SHANK2: variants seen among roughly 807,000 people sequenced by gnomAD.
SHANK2 encodes the protein SH3 and multiple ankyrin repeat domains protein 2.
A neutral mutation model predicts 133.7 loss-of-function variants in SHANK2; 43 were observed. The observed-to-expected ratio is 0.32, with a 90% confidence interval of 0.25 to 0.41. The LOEUF is 0.41. Among genes scored for constraint, SHANK2 ranks in the 10% least tolerant of loss-of-function variants. The pLI is 1.00. For synonymous variants in SHANK2, 1,017 were observed against 952.8 expected, an observed-to-expected ratio of 1.07 and a Z score of -1.24; for missense variants, 1,994 against 2,235.8, an observed-to-expected ratio of 0.89 and a Z score of 2.18.
At chr11:71,204,875 G>A (rs570361355) in intron 2 of SHANK2, among the ~76,000 whole-genome samples, 3 of 152,228 alleles carry the variant, frequency 2.0e-5, no homozygotes, top group South Asian at 2.1e-4. Context: ...GACCACGGCC[G>A]GGCAGGGAAG....
chr11:70,621,114 C>T (rs560842639), intron 17 of SHANK2, among the ~76,000 whole-genome samples: 7 of 152,326 alleles, frequency 4.6e-5, no homozygotes, highest in African/African-American at 1.4e-4. Context: ...GCACCGGGAT[C>T]GGGCAGGGTG....
intron 10 of SHANK2, among the ~76,000 whole-genome samples, chr11:70,928,684 A>G (rs2135790296): frequency 6.6e-6 from 1 of 152,192 alleles, no homozygotes; most frequent in African/African-American, 2.4e-5. Flanking sequence ...AATGGGATCC[A>G]TGGGGCAGAA....
intron 17 of SHANK2, among the ~76,000 whole-genome samples, chr11:70,575,142 T>C (rs1363196428): frequency 4.6e-5 from 7 of 151,802 alleles, no homozygotes; most frequent in Non-Finnish European, 8.8e-5. Flanking sequence ...TCACACTGAG[T>C]GGGAAGGACA....
intron 17 of SHANK2, among the ~76,000 whole-genome samples, chr11:70,548,886 G>A (rs1164897070): frequency 9.9e-5 from 15 of 152,178 alleles, no homozygotes; most frequent in Admixed American, 2.0e-4. Context: ...CACTGATGCA[G>A]AGATGGGGGC....
chr11:70,486,214 T>G lies in SHANK2; in HGVS notation c.4079A>C (p.Gln1360Pro), dbSNP rs1555153403. ...GGTGGGCTCGGGGGCAGCGGAGATC[T>G]GTAAAGCACCTTCGGTTTCGGAAAC... Reference protein sequence around the residue: ...EGVSETEGALQISAAPEPTTV... With the variant: ...EGVSETEGALPISAAPEPTTV... Residue 1360 changes from glutamine (Q) to proline (P), a missense_variant, in exon 25 of 26, where the codon CAG becomes CCG. Coordinates refer to ENST00000601538, the MANE Select transcript of SHANK2 (RefSeq NM_012309.5). The surrounding 1 kb of genome is among the most constrained non-coding windows in gnomAD (Gnocchi z 8.0). 11 of 1,613,886 alleles carry G rather than the reference T, an allele frequency of 6.8e-6. No homozygotes were observed. Among genetic ancestry groups the G allele is most frequent in the Non-Finnish European group, 7.6e-6 (9 of 1,179,916 alleles).
intron 11 of SHANK2, among the ~76,000 whole-genome samples, chr11:70,852,907 G>T (rs1949110090): frequency 6.6e-6 from 1 of 152,226 alleles, no homozygotes; most frequent in African/African-American, 2.4e-5. Context: ...GAGGCCAGGG[G>T]AGGGGTTGCC....
intron 14 of SHANK2, among the ~76,000 whole-genome samples, chr11:70,743,227 G>A (rs538688795): frequency 7.9e-5 from 12 of 152,344 alleles, no homozygotes; most frequent in Admixed American, 4.6e-4. Context: ...CAGGGGCAGC[G>A]CTCGAGCTGC....
chr11:70,738,500 G>C (rs782292784), intron 14 of SHANK2, among the ~76,000 whole-genome samples: 1 of 152,204 alleles, frequency 6.6e-6, no homozygotes, highest in Non-Finnish European at 1.5e-5. Flanking sequence ...CGTGTGCGGG[G>C]AGCAAGTGCA....
chr11:71,181,711 T>C (rs113021014), intron 2 of SHANK2, among the ~76,000 whole-genome samples: 2 of 152,082 alleles, frequency 1.3e-5, no homozygotes, highest in African/African-American at 2.4e-5. Context: ...ACCGCATGCA[T>C]AACGGAACCA....
intron 17 of SHANK2, among the ~76,000 whole-genome samples, chr11:70,639,685 T>A (rs2061151517): frequency 6.6e-6 from 1 of 152,116 alleles, no homozygotes; most frequent in South Asian, 2.1e-4. Flanking sequence ...CAAATCCACA[T>A]GAGTAGGTGG....
intron 11 of SHANK2, among the ~76,000 whole-genome samples, chr11:70,821,755 G>A (rs549580020): frequency 6.6e-6 from 1 of 152,244 alleles, no homozygotes; most frequent in African/African-American, 2.4e-5. Flanking sequence ...TGTCTGTGGC[G>A]CTCTGCCACG....
chr11:70,798,240 A>G (rs782414549), intron 14 of SHANK2, among the ~76,000 whole-genome samples: 4 of 152,186 alleles, frequency 2.6e-5, no homozygotes, highest in Non-Finnish European at 4.4e-5. Context: ...CTTCCACACC[A>G]TCTTGTAAGG....
chr11:71,168,080 C>T (rs1268792356), intron 2 of SHANK2, among the ~76,000 whole-genome samples: 51 of 139,882 alleles, frequency 3.6e-4, no homozygotes, highest in Non-Finnish European at 5.9e-4. Flanking sequence ...GGGCGGTTGC[C>T]GGGCGGAGGG....
intron 17 of SHANK2, among the ~76,000 whole-genome samples, chr11:70,532,874 G>A (rs2059492958): frequency 6.6e-6 from 1 of 151,992 alleles, no homozygotes; most frequent in African/African-American, 2.4e-5. Context: ...TACGGACAGA[G>A]GGATGAATAA....
At chr11:70,624,396 G>T (rs1034628634) in intron 17 of SHANK2, among the ~76,000 whole-genome samples, 26 of 152,004 alleles carry the variant, frequency 1.7e-4, no homozygotes, top group Non-Finnish European at 2.9e-4. Context: ...AGGCCAGGGG[G>T]TGTTGGACAC....
intron 17 of SHANK2, among the ~76,000 whole-genome samples, chr11:70,556,249 C>T (rs1323129064): frequency 6.6e-6 from 1 of 152,122 alleles, no homozygotes; most frequent in Non-Finnish European, 1.5e-5. Flanking sequence ...AATACTTTTC[C>T]ATTGTCTGAA....
chr11:70,526,719 G>A (rs1409069639), intron 17 of SHANK2, among the ~76,000 whole-genome samples: 1 of 152,124 alleles, frequency 6.6e-6, no homozygotes, highest in African/African-American at 2.4e-5. Flanking sequence ...GTCTCCTTTC[G>A]AAATTTTATG....
chr11:70,563,060 G>C (rs2059926867), intron 17 of SHANK2, among the ~76,000 whole-genome samples: 3 of 151,942 alleles, frequency 2.0e-5, no homozygotes, highest in Admixed American at 1.3e-4. Context: ...TTAGTAGAGA[G>C]GGGTTTCACC....
At chr11:70,921,660 A>G (rs946256515) in intron 10 of SHANK2, among the ~76,000 whole-genome samples, 1 of 152,234 alleles carries the variant, frequency 6.6e-6, no homozygotes, top group Admixed American at 6.5e-5. Flanking sequence ...CTCACTTGAA[A>G]GTGCTGAGGG....
Sources: gnomAD v4.1 joint callset for allele counts (sites outside exome capture counted in the v4.1 genomes callset) on GRCh38, gnomAD v4.1.1 for gene constraint, Gnocchi (gnomAD v3.1) non-coding constraint, MANE v1.5 for transcripts, NCBI Gene and HGNC (gene_info 2026-07-23, HGNC 2026-07-21) for gene names.